CPED1: variants seen among roughly 807,000 people sequenced by gnomAD.
CPED1 encodes the protein cadherin like and PC-esterase domain containing 1.
CPED1 carries 114 observed loss-of-function variants against 128.2 expected under a neutral mutation model. The observed-to-expected ratio is 0.89, with a 90% confidence interval of 0.76 to 1.04. The LOEUF (loss-of-function observed/expected upper bound fraction) is 1.04, where lower values mean the gene tolerates loss of function less well. Ranked by LOEUF, CPED1 falls within the 50% of genes least tolerant of loss-of-function variation. The pLI is 0.00. For synonymous variants in CPED1, 462 were observed against 426.7 expected (o/e 1.08, Z -1.02); for missense variants, 1,211 against 1,207.1 (o/e 1.00, Z -0.05).
At chr7:121,131,912 T>C (rs1394768633) in intron 12 of CPED1, among the ~76,000 whole-genome samples, 4 of 151,858 alleles carry the variant, frequency 2.6e-5, no homozygotes, top group African/African-American at 9.7e-5. Flanking sequence ...TATACTTTCC[T>C]TTCCATGTTT....
chr7:121,250,614 A>C (rs879662298), intron 18 of CPED1, among the ~76,000 whole-genome samples: 3 of 152,248 alleles, frequency 2.0e-5, no homozygotes, highest in Non-Finnish European at 4.4e-5. Flanking sequence ...AAATAGATGC[A>C]ATAAAAAATG....
intron 18 of CPED1, 122 bp from the exon 19 acceptor site, chr7:121,266,105 G>C (rs1792116836): frequency 1.3e-5 from 9 of 701,608 alleles, no homozygotes; most frequent in Admixed American, 9.7e-5. Flanking sequence ...CTAACAATTT[G>C]AAGGGCTGTC....
At chr7:121,042,466 A>G (rs1402101303) in intron 3 of CPED1, among the ~76,000 whole-genome samples, 1 of 152,200 alleles carries the variant, frequency 6.6e-6, no homozygotes, top group East Asian at 1.9e-4. Flanking sequence ...ATAACATGTA[A>G]TAATTGTTTC....
At chr7:121,193,688 C>T (rs970813418) in intron 16 of CPED1, among the ~76,000 whole-genome samples, 9 of 152,014 alleles carry the variant, frequency 5.9e-5, no homozygotes, top group Admixed American at 1.3e-4. Context: ...CAGAGCCTTT[C>T]AATAACCCCA....
At chr7:121,102,769 A>T (rs1584513236) in intron 7 of CPED1, among the ~76,000 whole-genome samples, 1 of 152,240 alleles carries the variant, frequency 6.6e-6, no homozygotes, top group East Asian at 1.9e-4. Context: ...ATTTTCCTTC[A>T]GCCTGTCCTC....
intron 7 of CPED1, among the ~76,000 whole-genome samples, chr7:121,120,966 T>C (rs1304111734): frequency 4.4e-5 from 4 of 91,654 alleles, no homozygotes; most frequent in Non-Finnish European, 6.5e-5. Context: ...GTTCCTGACC[T>C]AAAAAAAAAA....
intron 22 of CPED1, among the ~76,000 whole-genome samples, chr7:121,294,806 C>CAAAAAAAAAAAAAAAAAAAAAAAAAAAA (rs752742828): frequency 1.5e-4 from 9 of 61,392 alleles, no homozygotes; most frequent in Admixed American, 3.6e-4. Context: ...GCCTTCTAAG[C>CAAAAAAAAAAAAAAAAAAAAAAAAAAAA]AAAAAAAAAA....
Position 121,274,730 on chromosome 7 carries a change from C to T in CPED1, c.2868+3300C>T, listed in dbSNP as rs1024078138. ...AGCAAGTCTCTAGTGCTGACACTGA[C>T]ATTTTATAATCTTTCTAAATCATCA... On this transcript the variant is annotated intron_variant, in intron 22 of 22. Transcript: ENST00000310396. Among the ~76,000 whole-genome samples, 6 of 152,118 alleles carry T rather than the reference C, an allele frequency of 3.9e-5. No individual in the cohort carries two copies. In the South Asian group the frequency reaches 6.2e-4, roughly 16 times the overall value.
chr7:121,098,131 A>ATT (rs1794745514), intron 6 of CPED1, among the ~76,000 whole-genome samples: 1 of 152,168 alleles, frequency 6.6e-6, no homozygotes, highest in African/African-American at 2.4e-5. Context: ...TTTAACTTCC[A>ATT]TTTTATACTC....
In CPED1 at chr7:121,277,737, G is replaced by A. The variant is rs527950337; in HGVS notation, c.2868+6307G>A. Among the ~76,000 whole-genome samples, 4 of 152,202 alleles carry A rather than the reference G, an allele frequency of 2.6e-5. No homozygotes were observed. The East Asian group carries it at 5.8e-4, about 22-fold the overall frequency. On this transcript the variant is annotated intron_variant, in intron 22 of 22. Coordinates refer to ENST00000310396, the MANE Select transcript of CPED1 (RefSeq NM_024913.5). ...GTATGTGTGAGGTCATGCAGGTTACGTTTTTAACTTCCAAAAAGAAAAGAA... is the reference window on the plus strand; with the variant it reads ...GTATGTGTGAGGTCATGCAGGTTACATTTTTAACTTCCAAAAAGAAAAGAA...
At chr7:121,034,625 G>A (rs1792839320) in intron 3 of CPED1, among the ~76,000 whole-genome samples, 2 of 152,122 alleles carry the variant, frequency 1.3e-5, no homozygotes, top group African/African-American at 2.4e-5. Context: ...CTATATGTAG[G>A]ACCCTATAAT....
At position 121,201,258 on chromosome 7, in the gene CPED1, C is replaced by A. The variant is rs564481452; in HGVS notation, c.2056-35456C>A. Among the ~76,000 whole-genome samples, 19 of 152,164 alleles carry A rather than the reference C, an allele frequency of 1.2e-4. No homozygotes were observed. In the East Asian group the frequency reaches 3.7e-3, roughly 30 times the overall value. ...GACCAGCCTGGTCAACATGGTAACA[C>A]CCCGCTCCACCAAAAATACAAAAAC... On this transcript the variant is annotated intron_variant, in intron 16 of 22. Coordinates refer to ENST00000310396, the MANE Select transcript of CPED1 (RefSeq NM_024913.5).
At chr7:121,019,934 T>A (rs1025022439) in intron 3 of CPED1, among the ~76,000 whole-genome samples, 1 of 151,990 alleles carries the variant, frequency 6.6e-6, no homozygotes, top group Non-Finnish European at 1.5e-5. Flanking sequence ...AAAAGGAAAG[T>A]TTTAATCCTA....
chr7:121,164,209 G>A (rs1796472165), intron 16 of CPED1, among the ~76,000 whole-genome samples: 2 of 152,188 alleles, frequency 1.3e-5, no homozygotes, highest in African/African-American at 4.8e-5. Context: ...TAAAGGGGCT[G>A]TGTGCCACTG....
chr7:121,200,327 C>T (rs1217690446), intron 16 of CPED1, among the ~76,000 whole-genome samples: 1 of 151,942 alleles, frequency 6.6e-6, no homozygotes, highest in Non-Finnish European at 1.5e-5. Flanking sequence ...TGGTGAAAAC[C>T]TCAGATGTGT....
chr7:121,173,389 CTCTTTTCCTG>C (rs1159299309), intron 16 of CPED1, among the ~76,000 whole-genome samples: 2 of 152,010 alleles, frequency 1.3e-5, no homozygotes, highest in Non-Finnish European at 2.9e-5. Flanking sequence ...ATCTTTTCTG[CTCTTTTCCTG>C]TCTACCACCC....
intron 16 of CPED1, among the ~76,000 whole-genome samples, chr7:121,212,657 C>T (rs1797674076): frequency 2.0e-5 from 3 of 150,686 alleles, no homozygotes; most frequent in African/African-American, 7.3e-5. Flanking sequence ...GGCAGGCTCA[C>T]ATAGATGTTA....
chr7:121,016,599 G>A (rs1271814270), intron 3 of CPED1, among the ~76,000 whole-genome samples: 2 of 152,162 alleles, frequency 1.3e-5, no homozygotes, highest in Non-Finnish European at 2.9e-5. Context: ...GACTCACCTC[G>A]CATCTTACAT....
intron 5 of CPED1, among the ~76,000 whole-genome samples, chr7:121,085,095 G>C (rs1794389004): frequency 6.6e-6 from 1 of 152,086 alleles, no homozygotes; most frequent in Non-Finnish European, 1.5e-5. Context: ...CTCCACTTCT[G>C]CTGGAGTCCC....
Sources: gnomAD v4.1 joint callset for allele counts (sites outside exome capture counted in the v4.1 genomes callset) on GRCh38, gnomAD v4.1.1 for gene constraint, MANE v1.5 for transcripts, NCBI Gene and HGNC (gene_info 2026-07-23, HGNC 2026-07-21) for gene names.